The following LSM2 variants were observed in gnomAD, a reference collection of about 807,000 sequenced individuals.
LSM2 encodes LSM2 homolog, U6 small nuclear RNA and mRNA degradation associated.
In LSM2, 12 loss-of-function variants were observed where a neutral mutation model predicts 17.0. The observed-to-expected ratio is 0.70, with a 90% CI of 0.45 to 1.14. The LOEUF (loss-of-function observed/expected upper bound fraction) is 1.14. LSM2 is among the 50% of genes most tolerant of loss of function. LSM2 has a pLI of 0.00. For synonymous variants in LSM2, 42 were observed against 44.5 expected (o/e 0.94, Z 0.22); for missense variants, 62 against 111.8 (o/e 0.55, Z 2.01).
In LSM2 at chr6:31,806,934, T is replaced by C. The variant is rs530503952; in HGVS notation, c.-177A>G. Reference sequence around the variant, plus strand: ...GGGCAAAGCGCGGCCGACTTGCGGCTGGGGAGCGCAAGCTGGGTAGAGTAG... The same window carrying C: ...GGGCAAAGCGCGGCCGACTTGCGGCCGGGGAGCGCAAGCTGGGTAGAGTAG... On this transcript the variant is annotated 5_prime_UTR_variant, in exon 1 of 5. Coordinates refer to ENST00000375661, the MANE Select transcript of LSM2 (RefSeq NM_021177.5). The C allele has an allele frequency of 1.3e-6, 1 of 792,438 alleles. No individual in the cohort carries two copies. Among genetic ancestry groups the C allele is most frequent in the Admixed American group, 3.1e-5 (1 of 31,762 alleles). 49.1% of individuals were successfully genotyped at this position (792,438 alleles called of 1,614,324 possible). A position where few individuals can be genotyped will look rare whatever the true frequency, so the allele number is the denominator to read the frequency against.
At chr6:31,798,347 C>T (rs1814508830) in intron 3 of LSM2, 130 bp downstream of exon 3, 1 of 1,089,626 alleles carries the variant, frequency 9.2e-7, no homozygotes, top group Non-Finnish European at 1.4e-6. Context: ...GCTGGGATTA[C>T]AGGCGTGAGC....
At chr6:31,805,742 T>G (rs1195108101) in intron 2 of LSM2, among the ~76,000 whole-genome samples, 1 of 152,198 alleles carries the variant, frequency 6.6e-6, no homozygotes, top group Non-Finnish European at 1.5e-5. Flanking sequence ...CGATACAATC[T>G]CTAAGCTTAT....
Position 31,797,677 on chromosome 6 carries a change from T to A in LSM2, c.*80A>T. The A allele has an allele frequency of 6.3e-7, 1 of 1,590,026 alleles. No individual in the cohort carries two copies. Among genetic ancestry groups the A allele is most frequent in the African/African-American group, 1.3e-5 (1 of 74,204 alleles). On this transcript the variant is annotated 3_prime_UTR_variant, in exon 5 of 5. Transcript: ENST00000375661. ...TAAAAAAACAAAACCCCTTCAAGTATTGGGGGTTAGGGGTTCTGGGCTGGG... is the reference window on the plus strand; with the variant it reads ...TAAAAAAACAAAACCCCTTCAAGTAATGGGGGTTAGGGGTTCTGGGCTGGG...
chr6:31,797,923 G>A (rs1435898286), intron 4 of LSM2, 41 bp from the exon 5 acceptor site: 3 of 1,612,620 alleles, frequency 1.9e-6, no homozygotes, highest in African/African-American at 1.3e-5. Context: ...CCTTAAAAAT[G>A]TCCTCTAACC....
Position 31,806,153 on chromosome 6 carries a change from A to G in LSM2, c.4-11T>C. 5.0e-6 allele frequency: 8 copies of G among 1,612,492 alleles called. No homozygotes were observed. Among genetic ancestry groups the G allele is most frequent in the Non-Finnish European group, 6.8e-6 (8 of 1,179,588 alleles). On this transcript the variant is annotated splice_polypyrimidine_tract_variant and intron_variant, in intron 1 of 4. Transcript: ENST00000375661. ...AAAAGAATAGAAGAGCTATTGGGAGAGAGGGGGAAAACCATCATGTGGGAA... is the reference window on the plus strand; with the variant it reads ...AAAAGAATAGAAGAGCTATTGGGAGGGAGGGGGAAAACCATCATGTGGGAA...
At position 31,806,930 on chromosome 6, in the gene LSM2, C is replaced by CGGCTGG; in HGVS notation, c.-179_-174dup. 1.2e-6 allele frequency: 1 copy of CGGCTGG among 841,306 alleles called. No individual in the cohort carries two copies. The highest frequency in any genetic ancestry group is 1.8e-6 in the Non-Finnish European group (1 of 558,142). 52.1% of individuals were successfully genotyped at this position (841,306 alleles called of 1,614,324 possible). A position where few individuals can be genotyped will look rare whatever the true frequency, so the allele number is the denominator to read the frequency against. ...TGACGGGCAAAGCGCGGCCGACTTG[C>CGGCTGG]GGCTGGGGAGCGCAAGCTGGGTAGA... On this transcript the variant is annotated 5_prime_UTR_variant, in exon 1 of 5. Coordinates refer to ENST00000375661, the MANE Select transcript of LSM2 (RefSeq NM_021177.5).
intron 2 of LSM2, among the ~76,000 whole-genome samples, chr6:31,803,604 G>A (rs1216633541): frequency 6.7e-6 from 1 of 148,574 alleles, no homozygotes; most frequent in Non-Finnish European, 1.5e-5. Flanking sequence ...TTTTTGAGAT[G>A]GAGTCTCAGT....
At chr6:31,805,369 CTT>C (rs113500265) in intron 2 of LSM2, among the ~76,000 whole-genome samples, 2 of 143,430 alleles carry the variant, frequency 1.4e-5, no homozygotes, top group Admixed American at 7.0e-5. Context: ...CTAGTACTTA[CTT>C]TTTTTTTTTT....
Position 31,806,839 on chromosome 6 carries a change from C to G in LSM2, c.-82G>C. 8.6e-6 allele frequency: 13 copies of G among 1,506,288 alleles called. No homozygotes were observed. Among genetic ancestry groups the G allele is most frequent in the South Asian group, 1.3e-5 (1 of 77,760 alleles). The allele number at this position is 1,506,288 out of a possible 1,614,324, so 93.3% of individuals were successfully genotyped here. A position where few individuals can be genotyped will look rare whatever the true frequency, so the allele number is the denominator to read the frequency against. On this transcript the variant is annotated 5_prime_UTR_variant, in exon 1 of 5. Coordinates refer to ENST00000375661, the MANE Select transcript of LSM2 (RefSeq NM_021177.5). ...AGGTCTGGGGAAACCGAAGCGCGAG[C>G]CCGCGCGTGGGGCGAGGCGGGACCG...
chr6:31,803,335 C>A (rs906261839), intron 2 of LSM2, among the ~76,000 whole-genome samples: 1 of 152,098 alleles, frequency 6.6e-6, no homozygotes, highest in African/African-American at 2.4e-5. Context: ...TTCAGACTAG[C>A]CTCGGCAACA....
chr6:31,806,878 G>A lies in LSM2; in HGVS notation c.-121C>T, dbSNP rs760112505. ...GAGGCGGGACCGCGCAGGCGCAGCG[G>A]GAAGCGACGCAGAAAGCTCCAAGCG... On this transcript the variant is annotated 5_prime_UTR_variant, in exon 1 of 5. Transcript: ENST00000375661. 9.6e-5 allele frequency: 127 copies of A among 1,322,004 alleles called. No individual in the cohort carries two copies. In the Admixed American group the frequency reaches 9.8e-4, roughly 10 times the overall value. 81.9% of individuals were successfully genotyped at this position (1,322,004 alleles called of 1,614,324 possible). A position where few individuals can be genotyped will look rare whatever the true frequency, so the allele number is the denominator to read the frequency against.
chr6:31,797,637 C>A lies in LSM2; in HGVS notation c.*120G>T, dbSNP rs1328435256. On this transcript the variant is annotated 3_prime_UTR_variant, in exon 5 of 5. Coordinates refer to ENST00000375661, the MANE Select transcript of LSM2 (RefSeq NM_021177.5). ...CCACTCATCCCTTAAAAAAAACCCACAAAACCATCATTAGTAAAAAAACAA... is the reference window on the plus strand; with the variant it reads ...CCACTCATCCCTTAAAAAAAACCCAAAAAACCATCATTAGTAAAAAAACAA... 2.0e-6 allele frequency: 3 copies of A among 1,477,206 alleles called. No homozygotes were observed. The highest frequency in any genetic ancestry group is 2.8e-6 in the Non-Finnish European group (3 of 1,088,106). 91.5% of individuals were successfully genotyped at this position (1,477,206 alleles called of 1,614,324 possible).
chr6:31,803,835 T>A (rs543394851), intron 2 of LSM2, among the ~76,000 whole-genome samples: 21 of 152,074 alleles, frequency 1.4e-4, no homozygotes, highest in Admixed American at 4.6e-4. Flanking sequence ...CCGCCTCGAC[T>A]TCCCAAAGTG....
intron 2 of LSM2, among the ~76,000 whole-genome samples, chr6:31,804,932 A>G (rs1814931987): frequency 6.6e-6 from 1 of 151,030 alleles, no homozygotes; most frequent in Non-Finnish European, 1.5e-5. Context: ...ACGCCTGGCT[A>G]ATTTTTTGTA....
chr6:31,806,304 C>G (rs144638795), intron 1 of LSM2, among the ~76,000 whole-genome samples, 162 bp from the exon 2 acceptor site: 1 of 152,194 alleles, frequency 6.6e-6, no homozygotes, highest in South Asian at 2.1e-4. Flanking sequence ...AGCTGAAAGG[C>G]TGGAGCCCAA....
intron 3 of LSM2, 62 bp downstream of exon 3, chr6:31,798,415 A>AAC (rs1814512628): frequency 1.9e-6 from 3 of 1,597,154 alleles, no homozygotes; most frequent in Non-Finnish European, 1.7e-6. Flanking sequence ...GTAAGAACCC[A>AAC]ACCCTTAAGT....
At position 31,797,614 on chromosome 6, in the gene LSM2, A is replaced by G; in HGVS notation, c.*143T>C. On this transcript the variant is annotated 3_prime_UTR_variant, in exon 5 of 5. Coordinates refer to ENST00000375661, the MANE Select transcript of LSM2 (RefSeq NM_021177.5). ...CTGTTCCCTATTACTCCTCTCATCC[A>G]CTCATCCCTTAAAAAAAACCCACAA... 8.4e-7 allele frequency: 1 copy of G among 1,188,280 alleles called. No homozygotes were observed. Among genetic ancestry groups the G allele is most frequent in the Non-Finnish European group, 1.2e-6 (1 of 835,242 alleles). The allele number at this position is 1,188,280 out of a possible 1,614,324, so 73.6% of individuals were successfully genotyped here. A position where few individuals can be genotyped will look rare whatever the true frequency, so the allele number is the denominator to read the frequency against.
chr6:31,798,081 A>AT lies in LSM2; in HGVS notation c.103-33dup, dbSNP rs200535726. ...AAGGAAGATGAACACCATTATTATT[A>AT]TTATTTTTTTTTTTTTGAGACAAGA... On this transcript the variant is annotated intron_variant, in intron 3 of 4. Transcript: ENST00000375661. 2,339 of 1,443,970 alleles carry AT rather than the reference A, an allele frequency of 1.6e-3. 1 individual carries two copies. The highest frequency in any genetic ancestry group is 2.6e-3 in the African/African-American group (161 of 61,822). 89.4% of individuals were successfully genotyped at this position (1,443,970 alleles called of 1,614,324 possible). A position where few individuals can be genotyped will look rare whatever the true frequency, so the allele number is the denominator to read the frequency against.
At chr6:31,799,902 A>G (rs1470967703) in intron 2 of LSM2, among the ~76,000 whole-genome samples, 2 of 152,148 alleles carry the variant, frequency 1.3e-5, no homozygotes, top group Non-Finnish European at 2.9e-5. Context: ...AATTTAAAAA[A>G]ACAGCCTTTG....
Sources: allele counts gnomAD v4.1 joint callset (sites outside exome capture counted in the v4.1 genomes callset), GRCh38; gene constraint gnomAD v4.1.1; transcripts MANE v1.5; gene names NCBI Gene and HGNC (gene_info 2026-07-23, HGNC 2026-07-21).